Variants in EHBP1L1 observed in about 807,000 individuals in gnomAD.
EHBP1L1 encodes the protein EH domain binding protein 1 like 1.
EHBP1L1 carries 122 observed loss-of-function variants against 151.1 expected under a neutral mutation model. The ratio of observed to expected loss-of-function variants is 0.81; its 90% CI spans 0.70 to 0.94. The LOEUF (loss-of-function observed/expected upper bound fraction) is 0.94. EHBP1L1 is among the 40% of genes least tolerant of loss of function. EHBP1L1 has a pLI of 0.00. For synonymous variants in EHBP1L1, 878 were observed against 810.1 expected, an observed-to-expected ratio of 1.08 and a Z score of -1.42; for missense variants, 1,941 against 1,959.8, an observed-to-expected ratio of 0.99 and a Z score of 0.18.
Position 65,580,482 on chromosome 11 carries a change from G to T in EHBP1L1, c.634+3G>T. 6.2e-7 allele frequency: 1 copy of T among 1,610,884 alleles called. No individual in the cohort carries two copies. On this transcript the variant is annotated splice_donor_region_variant and intron_variant, in intron 6 of 18. Transcript: ENST00000309295. ...CCGGGCTCGAGTCCCCCAGCCAGGT[G>T]GGCTCACAGCCTGCTGTGGATCGAG...
At position 65,581,803 on chromosome 11, in the gene EHBP1L1, G is replaced by A. The variant is rs201609538; in HGVS notation, c.1131G>A (p.Lys377=). ...ACCCTTTTGGAAGGCAGAGACTCAA[G>A]GCTGAAGAGATGGACACTGAGGACA... ...SGDPFGRQRL[K]AEEMDTEDRP... is the part of the protein sequence containing the mutation. The change falls in exon 9 of 19, where the codon AAG becomes AAA. Residue 377 remains lysine, a synonymous_variant. Coordinates refer to ENST00000309295, the MANE Select transcript of EHBP1L1 (RefSeq NM_001099409.3). 618 of 1,613,570 alleles carry A rather than the reference G, an allele frequency of 3.8e-4. 2 individuals carry two copies. The Middle Eastern group carries it at 0.015, about 40-fold the overall frequency.
In EHBP1L1 at chr11:65,590,113, C is replaced by T. The variant is rs375897438; in HGVS notation, c.4086C>T (p.Tyr1362=). 35 of 1,613,860 alleles carry T rather than the reference C, an allele frequency of 2.2e-5. No individual in the cohort carries two copies. The highest frequency in any genetic ancestry group is 2.7e-5 in the Non-Finnish European group (32 of 1,179,820). The change falls in exon 15 of 19, where the codon TAC becomes TAT. Residue 1362 remains tyrosine, a synonymous_variant. Transcript: ENST00000309295. ...GLQRFQDTSQ[Y]VCAELQALEQ... ...AACGGTTCCAGGACACAAGTCAGTA[C>T]GTGTGTGCAGAGCTGCAGGCCCTGG...
chr11:65,585,404 G>A lies in EHBP1L1; in HGVS notation c.3746G>A (p.Gly1249Asp), dbSNP rs1857910562. The A allele has an allele frequency of 1.5e-6, 2 of 1,366,206 alleles. No individual in the cohort carries two copies. Among genetic ancestry groups the A allele is most frequent in the East Asian group, 7.2e-5 (2 of 27,882 alleles). 84.6% of individuals were successfully genotyped at this position (1,366,206 alleles called of 1,614,324 possible). Residue 1249 changes from glycine to aspartate, a missense_variant, in exon 12 of 19, where the codon GGC (glycine) becomes GAC (aspartate). Transcript: ENST00000309295. This position sits in a 1 kb window ranked among gnomAD's most constrained non-coding sequence, Gnocchi z 4.0. ...LVNGAGAPGG[G>D]GVRLRRPSVN... ...AACGGGGCGGGGGCACCGGGCGGCG[G>A]CGGCGTGAGGCTGCGACGGCCCTCG...
At chr11:65,577,972 C>T (rs1190985207) in intron 1 of EHBP1L1, among the ~76,000 whole-genome samples, 1 of 152,192 alleles carries the variant, frequency 6.6e-6, no homozygotes, top group African/African-American at 2.4e-5. Flanking sequence ...GCGTGCTGCC[C>T]TGGGCCGGAT....
chr11:65,583,548 T>A lies in EHBP1L1; in HGVS notation c.2876T>A (p.Met959Lys), dbSNP rs113842822. 630 of 1,612,630 alleles carry A rather than the reference T, an allele frequency of 3.9e-4. 5 individuals carry two copies. In the African/African-American group the frequency reaches 7.7e-3, roughly 20 times the overall value. ...GCTTGGGGGGCCCAGGAAGCAGAGATGAAGGTTTTAGAGTCTCCAGAGAAC... is the reference window on the plus strand; with the variant it reads ...GCTTGGGGGGCCCAGGAAGCAGAGAAGAAGGTTTTAGAGTCTCCAGAGAAC... Reference protein sequence around the residue: ...SGAWGAQEAEMKVLESPENKS... With the variant: ...SGAWGAQEAEKKVLESPENKS... Residue 959 changes from methionine to lysine, a missense_variant, in exon 9 of 19, where the codon ATG becomes AAG. Transcript: ENST00000309295.
In EHBP1L1 at chr11:65,590,559, C is replaced by A. The variant is rs1039862501; in HGVS notation, c.4250C>A (p.Ala1417Asp). The change falls in exon 16 of 19, where the codon GCT (alanine) becomes GAT (aspartate). Residue 1417 changes from alanine (A) to aspartate (D), a missense_variant. Transcript: ENST00000309295. ...TTCACCCTGGTCAACAAGAAGAACG[C>A]TCTCATCCGGAGGCAGGACCAGCTG... Reference protein sequence around the residue: ...EWFTLVNKKNALIRRQDQLQL... With the variant: ...EWFTLVNKKNDLIRRQDQLQL... The A allele has an allele frequency of 6.2e-7, 1 of 1,613,710 alleles. No individual in the cohort carries two copies. Among genetic ancestry groups the A allele is most frequent in the Non-Finnish European group, 8.5e-7 (1 of 1,179,862 alleles).
Position 65,592,034 on chromosome 11 carries a change from G to A in EHBP1L1, c.4416G>A (p.Val1472=), listed in dbSNP as rs764555686. The A allele has an allele frequency of 6.2e-7, 1 of 1,613,410 alleles. No homozygotes were observed. Residue 1472 remains valine (V), a synonymous_variant, in exon 18 of 19, where the codon GTG becomes GTA. Coordinates refer to ENST00000309295, the MANE Select transcript of EHBP1L1 (RefSeq NM_001099409.3). ...AGCAGCTCCTACTGGAGGAGCTGGT[G>A]TCGCTGGTGAACCAGCGCGATGAGC... is the stretch of plus-strand genomic sequence containing the variant. ...HREQLLLEEL[V]SLVNQRDELV...
chr11:65,583,165 C>T lies in EHBP1L1; in HGVS notation c.2493C>T (p.Val831=), dbSNP rs1300143371. 2 of 1,612,654 alleles carry T rather than the reference C, an allele frequency of 1.2e-6. No homozygotes were observed. The highest frequency in any genetic ancestry group is 1.7e-5 in the Admixed American group (1 of 59,964). ...TQEIASRSSG[V]PGLESEVAGA... is the part of the protein sequence containing the mutation. ...AGATAGCATCTAGGAGTTCAGGGGT[C>T]CCAGGGCTAGAATCTGAGGTAGCTG... is the stretch of plus-strand genomic sequence containing the variant. Residue 831 remains valine (V), a synonymous_variant, in exon 9 of 19, where the codon GTC becomes GTT. Transcript: ENST00000309295.
rs1390071180 is a variant in EHBP1L1, at chr11:65,582,048, C to T, written c.1376C>T (p.Pro459Leu). 1.3e-5 allele frequency: 21 copies of T among 1,613,140 alleles called. No homozygotes were observed. The highest frequency in any genetic ancestry group is 1.7e-5 in the Non-Finnish European group (20 of 1,179,766). Residue 459 changes from proline (P) to leucine (L), a missense_variant, in exon 9 of 19, where the codon CCA (proline) becomes CTA (leucine). Pro to Leu is a moderately conservative substitution (Grantham distance 98). Coordinates refer to ENST00000309295, the MANE Select transcript of EHBP1L1 (RefSeq NM_001099409.3). Reference sequence around the variant, plus strand: ...TGCAGGGGGACCCCTGAGGCTCCTCCAAGGGGCTCTCAGGGGAGGCTGGGA... The same window carrying T: ...TGCAGGGGGACCCCTGAGGCTCCTCTAAGGGGCTCTCAGGGGAGGCTGGGA... ...ARCRGTPEAP[P>L]RGSQGRLGVR...
At position 65,581,800 on chromosome 11, in the gene EHBP1L1, CA is replaced by C. The variant is rs1174795436; in HGVS notation, c.1130del (p.Lys377ArgfsTer56). On this transcript the variant is annotated frameshift_variant, in exon 9 of 19. Coordinates refer to ENST00000309295, the MANE Select transcript of EHBP1L1 (RefSeq NM_001099409.3). LOFTEE classifies it high-confidence loss of function. ...SGDPFGRQRL[K>X]AEEMDTEDRP... is the part of the protein sequence containing the mutation. ...GAGACCCTTTTGGAAGGCAGAGACTCAAGGCTGAAGAGATGGACACTGAGGA... is the reference window on the plus strand; with the variant it reads ...GAGACCCTTTTGGAAGGCAGAGACTCAGGCTGAAGAGATGGACACTGAGGA... The C allele has an allele frequency of 6.2e-7, 1 of 1,613,442 alleles. No individual in the cohort carries two copies. The highest frequency in any genetic ancestry group is 1.7e-5 in the Admixed American group (1 of 59,958).
chr11:65,576,490 C>A (rs1306449907), intron 1 of EHBP1L1, 84 bp downstream of exon 1: 7 of 1,290,866 alleles, frequency 5.4e-6, no homozygotes, highest in Non-Finnish European at 6.3e-6. Flanking sequence ...CTCTGCCCCC[C>A]CAGCCCAATG....
rs1857624028 is a variant in EHBP1L1 at position 65,581,783 on chromosome 11, T to C, written c.1111T>C (p.Phe371Leu). The change falls in exon 9 of 19, where the codon TTT becomes CTT. Residue 371 changes from phenylalanine (F) to leucine (L), a missense_variant. Transcript: ENST00000309295. ...SIEDKGSGDP[F>L]GRQRLKAEEM... Reference sequence around the variant, plus strand: ...TGAGGATAAAGGTTCTGGAGACCCTTTTGGAAGGCAGAGACTCAAGGCTGA... The same window carrying C: ...TGAGGATAAAGGTTCTGGAGACCCTCTTGGAAGGCAGAGACTCAAGGCTGA... 1 of 1,612,708 alleles carries C rather than the reference T, an allele frequency of 6.2e-7. No individual in the cohort carries two copies. Among genetic ancestry groups the C allele is most frequent in the Non-Finnish European group, 8.5e-7 (1 of 1,179,498 alleles).
At position 65,584,223 on chromosome 11, in the gene EHBP1L1, C is replaced by T. The variant is rs933507881; in HGVS notation, c.3094-18C>T. 5.0e-6 allele frequency: 8 copies of T among 1,603,064 alleles called. No homozygotes were observed. In the African/African-American group the frequency reaches 9.4e-5, roughly 19 times the overall value. ...CATCCCATTTATACATTCCCTAAGC[C>T]CACCCCTGTGTCCTCAGGCACCACC... On this transcript the variant is annotated intron_variant, in intron 9 of 18. Coordinates refer to ENST00000309295, the MANE Select transcript of EHBP1L1 (RefSeq NM_001099409.3).
At chr11:65,590,822 G>A (rs769955716) in intron 16 of EHBP1L1, among the ~76,000 whole-genome samples, 2 of 150,976 alleles carry the variant, frequency 1.3e-5, no homozygotes, top group Admixed American at 6.6e-5. Context: ...GATCATCTGA[G>A]GTCAGGAGTT....
chr11:65,583,326 G>C lies in EHBP1L1; in HGVS notation c.2654G>C (p.Gly885Ala). 6.2e-7 allele frequency: 1 copy of C among 1,613,706 alleles called. No individual in the cohort carries two copies. The highest frequency in any genetic ancestry group is 8.5e-7 in the Non-Finnish European group (1 of 1,179,802). Residue 885 changes from glycine (G) to alanine (A), a missense_variant, in exon 9 of 19, where the codon GGG becomes GCG. Transcript: ENST00000309295. Reference protein sequence around the residue: ...EAEKEEAQTSGVQEAETRVGS... With the variant: ...EAEKEEAQTSAVQEAETRVGS... ...GAGAAGGAAGAGGCTCAGACTTCGG[G>C]GGTCCAGGAAGCAGAGACTAGAGTT...
In EHBP1L1 at chr11:65,585,337, C is replaced by T. The variant is rs1414575543; in HGVS notation, c.3679C>T (p.Arg1227Ter). 1.8e-6 allele frequency: 2 copies of T among 1,112,620 alleles called. No individual in the cohort carries two copies. The highest frequency in any genetic ancestry group is 2.2e-6 in the Non-Finnish European group (2 of 911,762). 68.9% of individuals were successfully genotyped at this position (1,112,620 alleles called of 1,614,324 possible). A position where few individuals can be genotyped will look rare whatever the true frequency, so the allele number is the denominator to read the frequency against. ...CAAGGACGGCGGGGCCGAGGCCCCC[C>T]GAGAGTCGCGACCCGCGGAGGTCCC... is the stretch of plus-strand genomic sequence containing the variant. Reference protein sequence around the residue: ...ASKDGGAEAPRESRPAEVPAE... With the variant: ...ASKDGGAEAP Residue 1227 changes from arginine (R) to a stop codon, truncating the protein, a stop_gained, in exon 12 of 19, where the codon CGA becomes TGA. Coordinates refer to ENST00000309295, the MANE Select transcript of EHBP1L1 (RefSeq NM_001099409.3). LOFTEE classifies it high-confidence loss of function. This position sits in a 1 kb window ranked among gnomAD's most constrained non-coding sequence, Gnocchi z 4.0.
Position 65,581,607 on chromosome 11 carries a change from C to A in EHBP1L1, c.935C>A (p.Ala312Asp). ...CCTCGGCTCCGGAAAGGCTCTGATG[C>A]CCTCCGGCCCCCAGTCCCCCAGGGG... ...PAPRLRKGSD[A>D]LRPPVPQGED... Residue 312 changes from alanine to aspartate, a missense_variant, in exon 9 of 19, where the codon GCC (alanine) becomes GAC (aspartate). Coordinates refer to ENST00000309295, the MANE Select transcript of EHBP1L1 (RefSeq NM_001099409.3). The A allele has an allele frequency of 6.6e-7, 1 of 1,525,628 alleles. No homozygotes were observed. Among genetic ancestry groups the A allele is most frequent in the South Asian group, 1.3e-5 (1 of 79,830 alleles). The allele number at this position is 1,525,628 out of a possible 1,614,324, so 94.5% of individuals were successfully genotyped here. A position where few individuals can be genotyped will look rare whatever the true frequency, so the allele number is the denominator to read the frequency against.
chr11:65,579,189 G>C, intron 2 of EHBP1L1, 54 bp downstream of exon 2: 1 of 1,537,914 alleles, frequency 6.5e-7, no homozygotes, highest in Non-Finnish European at 8.8e-7. Context: ...CCGGTGGGAG[G>C]CTGATGGGGG....
chr11:65,582,488 G>A lies in EHBP1L1; in HGVS notation c.1816G>A (p.Gly606Arg), dbSNP rs1481639777. ...TAGGACACTAGAAATTGAGATATTG[G>A]GGGCCTTGGAGAAAGAAGCAGCAAG... ...ETRTLEIEIL[G>R]ALEKEAARSR... is the part of the protein sequence containing the mutation. The change falls in exon 9 of 19, where the codon GGG (glycine) becomes AGG (arginine). Residue 606 changes from glycine to arginine, a missense_variant. Coordinates refer to ENST00000309295, the MANE Select transcript of EHBP1L1 (RefSeq NM_001099409.3). 6.2e-7 allele frequency: 1 copy of A among 1,613,166 alleles called. No individual in the cohort carries two copies. Among genetic ancestry groups the A allele is most frequent in the Non-Finnish European group, 8.5e-7 (1 of 1,179,824 alleles).
Sources: gnomAD v4.1 joint callset for allele counts (sites outside exome capture counted in the v4.1 genomes callset) on GRCh38, gnomAD v4.1.1 for gene constraint, Gnocchi (gnomAD v3.1) non-coding constraint, MANE v1.5 for transcripts, NCBI Gene and HGNC (gene_info 2026-07-23, HGNC 2026-07-21) for gene names.